Variants in LRRC72 observed in about 807,000 individuals in gnomAD.
The protein encoded by LRRC72 is leucine-rich repeat-containing protein 72.
LRRC72 carries 41 observed loss-of-function variants against 35.8 expected under a neutral mutation model. That is an observed-to-expected ratio of 1.15 (90% confidence interval 0.89 to 1.49). The LOEUF (loss-of-function observed/expected upper bound fraction) is 1.49, where lower values mean the gene tolerates loss of function less well. Ranked by LOEUF, LRRC72 falls within the 40% of genes most tolerant of loss-of-function variation. The pLI, the probability that LRRC72 is intolerant of heterozygous loss-of-function variation, is 0.00. For missense variants in LRRC72, 389 were observed against 330.7 expected (o/e 1.18, Z -1.37); for synonymous variants, 118 against 119.2 (o/e 0.99, Z 0.07).
At chr7:16,530,686 C>G (rs1164151759) in intron 1 of LRRC72, 1 of 152,160 alleles carries the variant, frequency 6.6e-6, no homozygotes, top group Non-Finnish European at 1.5e-5. Flanking sequence ...CTGAAATAAG[C>G]AGTGATAATC....
intron 4 of LRRC72, among the ~76,000 whole-genome samples, chr7:16,558,234 C>A (rs1194815948): frequency 2.6e-5 from 4 of 152,054 alleles, no homozygotes; most frequent in Admixed American, 6.5e-5. Flanking sequence ...GGAAAAAAAA[C>A]CCCAAAACTA....
At chr7:16,546,797 C>T (rs981740312) in intron 3 of LRRC72, among the ~76,000 whole-genome samples, 2 of 151,952 alleles carry the variant, frequency 1.3e-5, no homozygotes, top group African/African-American at 4.8e-5. Flanking sequence ...GGCCCTCTCC[C>T]TTCCTGTGAT....
rs753816319 is a variant in LRRC72 at position 16,567,562 on chromosome 7, A to AC, written c.670+19_670+20insC. 538 of 1,418,074 alleles carry AC rather than the reference A, an allele frequency of 3.8e-4. 1 individual carries two copies. Among genetic ancestry groups the AC allele is most frequent in the Non-Finnish European group, 4.6e-4 (498 of 1,079,462 alleles). 87.8% of individuals were successfully genotyped at this position (1,418,074 alleles called of 1,614,324 possible). On this transcript the variant is annotated intron_variant, in intron 7 of 8. Transcript: ENST00000401542. ...CCTTCAGGTATTTCGTAAAAAAAAA[A>AC]AAAAAAACAAATTTAATGAAATTAA...
At chr7:16,537,226 A>G (rs1211764657) in intron 2 of LRRC72, 3 of 157,528 alleles carry the variant, frequency 1.9e-5, no homozygotes. Flanking sequence ...GCCCCACACT[A>G]ATAACCCCAC....
intron 1 of LRRC72, among the ~76,000 whole-genome samples, chr7:16,529,276 T>A (rs1782123343): frequency 6.6e-6 from 1 of 152,160 alleles, no homozygotes; most frequent in Non-Finnish European, 1.5e-5. Context: ...TTTTGTGCGC[T>A]TACTCTCCTC....
rs1229073100 is a variant in LRRC72, at chr7:16,581,322, A to G, written c.699-2A>G. The G allele has an allele frequency of 5.5e-6, 8 of 1,442,178 alleles. No individual in the cohort carries two copies. The highest frequency in any genetic ancestry group is 3.1e-5 in the South Asian group (2 of 65,156). The allele number at this position is 1,442,178 out of a possible 1,614,324, so 89.3% of individuals were successfully genotyped here. The stretch of plus-strand genomic sequence containing the variant: ...TCTGACATAATTGCTTTTTTTTTGC[A>G]GAACTGTGCTTGATGACCCAGAAGA... On this transcript the variant is annotated splice_acceptor_variant, in intron 8 of 8. Coordinates refer to ENST00000401542, the MANE Select transcript of LRRC72 (RefSeq NM_001195280.2). LOFTEE classifies it high-confidence loss of function.
chr7:16,550,094 C>T (rs1782522926), intron 3 of LRRC72, among the ~76,000 whole-genome samples: 1 of 151,996 alleles, frequency 6.6e-6, no homozygotes, highest in Non-Finnish European at 1.5e-5. Context: ...TGGTGTGTGC[C>T]TGTAGTCCCA....
chr7:16,576,944 A>G (rs960780909), intron 7 of LRRC72, among the ~76,000 whole-genome samples: 5 of 152,214 alleles, frequency 3.3e-5, no homozygotes, highest in Non-Finnish European at 5.9e-5. Context: ...GCAATTCACC[A>G]AAGAGTGCAC....
intron 5 of LRRC72, among the ~76,000 whole-genome samples, chr7:16,565,339 A>G (rs1782810179): frequency 6.6e-6 from 1 of 152,014 alleles, no homozygotes; most frequent in Admixed American, 6.6e-5. Flanking sequence ...AGGCTGAATC[A>G]GGACAATTGC....
At chr7:16,561,637 A>C (rs1782745451) in intron 5 of LRRC72, among the ~76,000 whole-genome samples, 1 of 152,236 alleles carries the variant, frequency 6.6e-6, no homozygotes, top group Non-Finnish European at 1.5e-5. Context: ...ATAACTTTCC[A>C]GTTGAGAATC....
chr7:16,547,015 C>T (rs1483084130), intron 3 of LRRC72, among the ~76,000 whole-genome samples: 2 of 152,130 alleles, frequency 1.3e-5, no homozygotes, highest in Non-Finnish European at 2.9e-5. Flanking sequence ...CAGTGGGACC[C>T]CTGTGCCCTG....
intron 2 of LRRC72, among the ~76,000 whole-genome samples, chr7:16,534,940 A>C (rs1199613422): frequency 6.6e-6 from 1 of 152,210 alleles, no homozygotes; most frequent in African/African-American, 2.4e-5. Context: ...GCTTACGCCT[A>C]TAATCCCAAC....
chr7:16,537,608 ATT>A lies in LRRC72; in HGVS notation c.165-10_165-9del. The A allele has an allele frequency of 1.4e-5, 19 of 1,315,348 alleles. No homozygotes were observed. Among genetic ancestry groups the A allele is most frequent in the South Asian group, 4.4e-5 (3 of 67,504 alleles). The allele number at this position is 1,315,348 out of a possible 1,614,324, so 81.5% of individuals were successfully genotyped here. The stretch of plus-strand genomic sequence containing the variant: ...TGAACTAATTGTTGCTAATGTTCAC[ATT>A]TTTTTTTTCTTTCCAGGGAACTGAC... On this transcript the variant is annotated splice_polypyrimidine_tract_variant and intron_variant, in intron 2 of 8. Coordinates refer to ENST00000401542, the MANE Select transcript of LRRC72 (RefSeq NM_001195280.2).
intron 6 of LRRC72, among the ~76,000 whole-genome samples, chr7:16,566,803 A>AAT (rs1368179772): frequency 3.3e-5 from 5 of 151,988 alleles, no homozygotes; most frequent in Admixed American, 6.6e-5. Context: ...AAATTCTGTA[A>AAT]ATATATATAT....
chr7:16,538,899 A>G lies in LRRC72; in HGVS notation c.234+1203A>G, dbSNP rs141455692. ...CCTGAGGCCTCCCCAGCCATGTGGA[A>G]TGGTGAGTCAATTAAACCTGTCTTC... On this transcript the variant is annotated intron_variant, in intron 3 of 8. Coordinates refer to ENST00000401542, the MANE Select transcript of LRRC72 (RefSeq NM_001195280.2). Among the ~76,000 whole-genome samples, 1,439 of 152,300 alleles carry G rather than the reference A, an allele frequency of 9.4e-3. 27 individuals carry two copies. The highest frequency in any genetic ancestry group is 0.033 in the African/African-American group (1,362 of 41,556).
intron 5 of LRRC72, among the ~76,000 whole-genome samples, chr7:16,560,431 A>G (rs1033601163): frequency 3.3e-5 from 5 of 152,164 alleles, no homozygotes; most frequent in African/African-American, 1.2e-4. Context: ...AAATTACACC[A>G]AGTTCATGGC....
At chr7:16,543,393 A>G (rs948024329) in intron 3 of LRRC72, among the ~76,000 whole-genome samples, 4 of 152,220 alleles carry the variant, frequency 2.6e-5, no homozygotes, top group African/African-American at 9.6e-5. Flanking sequence ...AATAAGGCAA[A>G]AGGAGAAAAA....
intron 1 of LRRC72, 147 bp from the exon 2 acceptor site, chr7:16,532,348 A>G (rs1404173): frequency 0.46 from 274,958 of 596,956 alleles, 64,526 homozygotes; most frequent in East Asian, 0.61. Context: ...ATATAATTGT[A>G]GCCTTGGAAT....
chr7:16,576,158 A>G (rs1783036516), intron 7 of LRRC72, among the ~76,000 whole-genome samples: 1 of 152,230 alleles, frequency 6.6e-6, no homozygotes, highest in South Asian at 2.1e-4. Context: ...TATCATAGCA[A>G]CTAAAAAGTA....
Sources: gnomAD v4.1 joint callset for allele counts (sites outside exome capture counted in the v4.1 genomes callset) on GRCh38, gnomAD v4.1.1 for gene constraint, MANE v1.5 for transcripts, NCBI Gene and HGNC (gene_info 2026-07-23, HGNC 2026-07-21) for gene names.